PER2: variants seen among roughly 807,000 people sequenced by gnomAD.
PER2 encodes the protein period circadian protein homolog 2.
In PER2, 66 loss-of-function variants were observed where a neutral mutation model predicts 121.0. The ratio of observed to expected loss-of-function variants is 0.55; its 90% confidence interval spans 0.45 to 0.67. The LOEUF is 0.67. Ranked by LOEUF, PER2 falls within the 30% of genes least tolerant of loss-of-function variation. The pLI, the probability that PER2 is intolerant of heterozygous loss-of-function variation, is 0.00. For synonymous variants in PER2, 684 were observed against 659.9 expected (o/e 1.04, Z -0.56); for missense variants, 1,521 against 1,635.0 (o/e 0.93, Z 1.20).
At chr2:238,250,855 G>A in intron 20 of PER2, 112 bp from the exon 21 acceptor site, 1 of 743,668 alleles carries the variant, frequency 1.3e-6, no homozygotes, top group East Asian at 2.6e-5. Flanking sequence ...GCCTTCTTAG[G>A]TATTGGGTAT....
At position 238,250,786 on chromosome 2, in the gene PER2, G is replaced by A. The variant is rs763872658; in HGVS notation, c.3275-43C>T. 1.7e-5 allele frequency: 24 copies of A among 1,377,726 alleles called. No homozygotes were observed. In the African/African-American group the frequency reaches 2.3e-4, roughly 13 times the overall value. The allele number at this position is 1,377,726 out of a possible 1,614,324, so 85.3% of individuals were successfully genotyped here. A position where few individuals can be genotyped will look rare whatever the true frequency, so the allele number is the denominator to read the frequency against. On this transcript the variant is annotated intron_variant, in intron 20 of 22. Coordinates refer to ENST00000254657, the MANE Select transcript of PER2 (RefSeq NM_022817.3). ...GTGGTGCGTCAAAACATTGACATAT[G>A]AAATTAAACCTTGCATAATGTGCTT...
rs756615859 is a variant in PER2 at position 238,246,531 on chromosome 2, AG to A, written c.3619-8del. The stretch of plus-strand genomic sequence containing the variant: ...TTTCACAGTAAACACATTCCTTAAA[AG>A]AAAAAAAAAGAGAAATCAGTAACAA... On this transcript the variant is annotated splice_region_variant and splice_polypyrimidine_tract_variant and intron_variant, in intron 22 of 22. Coordinates refer to ENST00000254657, the MANE Select transcript of PER2 (RefSeq NM_022817.3). The A allele has an allele frequency of 7.8e-6, 12 of 1,538,654 alleles. No homozygotes were observed. Among genetic ancestry groups the A allele is most frequent in the Non-Finnish European group, 9.9e-6 (11 of 1,112,332 alleles).
intron 8 of PER2, among the ~76,000 whole-genome samples, chr2:238,266,803 C>T (rs542013778): frequency 6.6e-6 from 1 of 152,122 alleles, no homozygotes; most frequent in East Asian, 1.9e-4. Flanking sequence ...TTTGGGAGGC[C>T]GAGACAGGTG....
At chr2:238,297,393 G>T in the PER2 span, among the ~76,000 whole-genome samples, 2 of 152,174 alleles carry the variant, frequency 1.3e-5, no homozygotes, top group African/African-American at 4.8e-5. Flanking sequence ...GCCTTGCATT[G>T]TCACCTCCTG....
the PER2 span, chr2:238,298,444 C>T: frequency 6.6e-6 from 1 of 152,226 alleles, no homozygotes; most frequent in Non-Finnish European, 1.5e-5. Flanking sequence ...CAAGGCTTCA[C>T]GTTGGAATCT....
chr2:238,257,028 C>A lies in PER2; in HGVS notation c.1959G>T (p.Ser653=). The A allele has an allele frequency of 3.1e-6, 5 of 1,613,364 alleles. No homozygotes were observed. Among genetic ancestry groups the A allele is most frequent in the Non-Finnish European group, 4.2e-6 (5 of 1,179,804 alleles). ...TCTCTGCCTTGCCCGGCAGTGCCAG[C>A]GAGGTCAGGTGCGTACCTACTCCCG... The part of the protein sequence containing the change: ...SRTGVGTHLT[S]LALPGKAESV... Residue 653 remains serine (S), a synonymous_variant, in exon 17 of 23, where the codon TCG becomes TCT. Coordinates refer to ENST00000254657, the MANE Select transcript of PER2 (RefSeq NM_022817.3).
intron 22 of PER2, among the ~76,000 whole-genome samples, chr2:238,248,765 C>T (rs1695515129): frequency 6.6e-6 from 1 of 151,656 alleles, no homozygotes; most frequent in Non-Finnish European, 1.5e-5. Context: ...CCGCCATTCT[C>T]CTGCCTCAGC....
Position 238,251,680 on chromosome 2 carries a change from G to C in PER2, c.3193C>G (p.Leu1065Val). Residue 1065 changes from leucine (L) to valine (V), a missense_variant, in exon 20 of 23, where the codon CTC (leucine) becomes GTC (valine). Coordinates refer to ENST00000254657, the MANE Select transcript of PER2 (RefSeq NM_022817.3). ...GLLNLLLNED[L>V]CSASGSAASE... ...GCAGCAGAGCCCGAGGCTGAGCAGAGGTCCTCATTCAGCAGGAGGTTTAGG... is the reference window on the plus strand; with the variant it reads ...GCAGCAGAGCCCGAGGCTGAGCAGACGTCCTCATTCAGCAGGAGGTTTAGG... 2 of 1,614,076 alleles carry C rather than the reference G, an allele frequency of 1.2e-6. No individual in the cohort carries two copies. Among genetic ancestry groups the C allele is most frequent in the African/African-American group, 1.3e-5 (1 of 75,058 alleles).
At position 238,268,132 on chromosome 2, in the gene PER2, C is replaced by T; in HGVS notation, c.891G>A (p.Lys297=). The T allele has an allele frequency of 6.2e-7, 1 of 1,614,148 alleles. No individual in the cohort carries two copies. Among genetic ancestry groups the T allele is most frequent in the Non-Finnish European group, 8.5e-7 (1 of 1,180,006 alleles). ...HPFRMTPYLV[K]VRDQQGAESQ... is the part of the protein sequence containing the mutation. ...TCTCAGCACCTTGTTGGTCCCGCACCTTGACCAGGTAGGGCGTCATGCGGA... is the reference window on the plus strand; with the variant it reads ...TCTCAGCACCTTGTTGGTCCCGCACTTTGACCAGGTAGGGCGTCATGCGGA... The change falls in exon 8 of 23, where the codon AAG becomes AAA. Residue 297 remains lysine, a synonymous_variant. Coordinates refer to ENST00000254657, the MANE Select transcript of PER2 (RefSeq NM_022817.3). This position sits in a 1 kb window ranked among gnomAD's most constrained non-coding sequence, Gnocchi z 4.0.
rs199741233 is a variant in PER2, at chr2:238,275,883, G to A, written c.308C>T (p.Ser103Leu). 1.5e-5 allele frequency: 24 copies of A among 1,614,204 alleles called. No homozygotes were observed. The Admixed American group carries it at 1.7e-4, about 11-fold the overall frequency. Residue 103 changes from serine (S) to leucine (L), a missense_variant, in exon 4 of 23, where the codon TCG becomes TTG. Ser to Leu is a moderately radical substitution (Grantham distance 145). Transcript: ENST00000254657. ...STSGCSSDQS[S>L]KVDTHKELIK... The stretch of plus-strand genomic sequence containing the variant: ...CAGTTCTTTGTGTGTGTCCACTTTC[G>A]AAGACTGGTCGCTACTGCAGGATTC...
chr2:238,293,249 T>C (rs1027855457), upstream of PER2, among the ~76,000 whole-genome samples: 2 of 152,194 alleles, frequency 1.3e-5, no homozygotes, highest in African/African-American at 4.8e-5. Flanking sequence ...ACAAAAAATA[T>C]AAATGAATAA....
intron 22 of PER2, among the ~76,000 whole-genome samples, 168 bp from the exon 23 acceptor site, chr2:238,246,692 C>T (rs900211301): frequency 2.6e-5 from 4 of 152,146 alleles, no homozygotes; most frequent in South Asian, 2.1e-4. Context: ...CTGGCTAACA[C>T]GGTGAAATCC....
upstream of PER2, among the ~76,000 whole-genome samples, chr2:238,293,734 C>CAA (rs397939497): frequency 8.5e-3 from 886 of 104,708 alleles, 14 homozygotes; most frequent in African/African-American, 0.025. Context: ...GACTCTGTCT[C>CAA]AAAAAAAAAA....
chr2:238,251,030 A>AC (rs1381340870), intron 20 of PER2, among the ~76,000 whole-genome samples: 1 of 152,226 alleles, frequency 6.6e-6, no homozygotes, highest in Non-Finnish European at 1.5e-5. Context: ...CCAAGCTCTC[A>AC]CCATCTCCAC....
At chr2:238,247,391 C>T (rs1016907987) in intron 22 of PER2, 1 of 152,260 alleles carries the variant, frequency 6.6e-6, no homozygotes, top group African/African-American at 2.4e-5. Context: ...TCCTGGAAGC[C>T]GGTCCTCCAG....
upstream of PER2, among the ~76,000 whole-genome samples, chr2:238,295,040 C>T (rs1697019835): frequency 6.6e-6 from 1 of 152,230 alleles, no homozygotes; most frequent in South Asian, 2.1e-4. Context: ...CAGGCCTGTG[C>T]ACCTGCCTTG....
chr2:238,265,928 G>C (rs909875329), intron 8 of PER2, among the ~76,000 whole-genome samples: 4 of 148,892 alleles, frequency 2.7e-5, no homozygotes, highest in Non-Finnish European at 4.4e-5. Flanking sequence ...TTTTGAGACA[G>C]AGTCTTGCTG....
chr2:238,266,764 G>A lies in PER2; in HGVS notation c.968-1174C>T, dbSNP rs1334521858. On this transcript the variant is annotated intron_variant, in intron 8 of 22. Coordinates refer to ENST00000254657, the MANE Select transcript of PER2 (RefSeq NM_022817.3). ...TTAAGAGGCTGTCATTTGGCCGGGCGCGGTGGCTCGCGCCTGTAATCCCAG... is the reference window on the plus strand; with the variant it reads ...TTAAGAGGCTGTCATTTGGCCGGGCACGGTGGCTCGCGCCTGTAATCCCAG... Among the ~76,000 whole-genome samples the A allele has an allele frequency of 7.2e-5, 11 of 152,324 alleles. No individual in the cohort carries two copies. The East Asian group carries it at 1.2e-3, about 16-fold the overall frequency.
chr2:238,289,911 AGCTTTC>A (rs1696918596), upstream of PER2: 1 of 152,256 alleles, frequency 6.6e-6, no homozygotes, highest in East Asian at 1.9e-4. Flanking sequence ...GACAGGAAGG[AGCTTTC>A]AGGCTCCCAC....
Sources: gnomAD v4.1 joint callset for allele counts (sites outside exome capture counted in the v4.1 genomes callset) on GRCh38, gnomAD v4.1.1 for gene constraint, Gnocchi (gnomAD v3.1) non-coding constraint, MANE v1.5 for transcripts, NCBI Gene and HGNC (gene_info 2026-07-23, HGNC 2026-07-21) for gene names.